The following HPSE2 variants were observed in gnomAD, a reference collection of about 807,000 sequenced individuals.
HPSE2 encodes the protein inactive heparanase-2.
In HPSE2, 38 loss-of-function variants were observed where a neutral mutation model predicts 60.5. The ratio of observed to expected loss-of-function variants is 0.63; its 90% confidence interval spans 0.48 to 0.82. The LOEUF is 0.82. Ranked by LOEUF, HPSE2 falls within the 40% of genes least tolerant of loss-of-function variation. HPSE2 has a pLI of 0.00. For missense variants in HPSE2, 713 were observed against 740.4 expected, an observed-to-expected ratio of 0.96 and a Z score of 0.43; for synonymous variants, 295 against 293.2, an observed-to-expected ratio of 1.01 and a Z score of -0.06.
intron 3 of HPSE2, among the ~76,000 whole-genome samples, chr10:98,790,646 C>CA (rs1353740210): frequency 2.0e-5 from 3 of 151,734 alleles, no homozygotes; most frequent in Non-Finnish European, 2.9e-5. Flanking sequence ...GTTCTCACCA[C>CA]AAAAAAATCA....
intron 3 of HPSE2, among the ~76,000 whole-genome samples, chr10:98,757,970 C>T (rs888352505): frequency 3.5e-4 from 53 of 151,952 alleles, no homozygotes; most frequent in Non-Finnish European, 6.3e-4. Flanking sequence ...CAAAACAGCA[C>T]AGTACTGGTA....
intron 9 of HPSE2, among the ~76,000 whole-genome samples, chr10:98,547,949 C>A (rs1943743596): frequency 6.6e-6 from 1 of 151,882 alleles, no homozygotes; most frequent in African/African-American, 2.4e-5. Context: ...AGAAGTTGAG[C>A]AAGAGGTCTC....
rs116859744 is a variant in HPSE2, at chr10:98,738,023, A to G, written c.784+5860T>C. On this transcript the variant is annotated intron_variant, in intron 4 of 11. Coordinates refer to ENST00000370552, the MANE Select transcript of HPSE2 (RefSeq NM_021828.5). The stretch of plus-strand genomic sequence containing the variant: ...GAAACAAAAAAGAGCCCATATAGTC[A>G]AGACAATCTAAGCAAAAAGAACAAA... Among the ~76,000 whole-genome samples the G allele has an allele frequency of 6.8e-3, 1,037 of 152,362 alleles. 10 individuals carry two copies. Among genetic ancestry groups the G allele is most frequent in the South Asian group, 0.028 (134 of 4,824 alleles).
intron 3 of HPSE2, among the ~76,000 whole-genome samples, chr10:98,806,750 T>G (rs1458119600): frequency 6.6e-6 from 1 of 152,244 alleles, no homozygotes; most frequent in African/African-American, 2.4e-5. Flanking sequence ...CTAATTCTCA[T>G]GATTCAGAAA....
In HPSE2 at chr10:99,071,471, C is replaced by T. The variant is rs572566391; in HGVS notation, c.610+72767G>A. 4.6e-5 allele frequency among the ~76,000 whole-genome samples: 7 copies of T among 152,302 alleles called. No individual in the cohort carries two copies. The South Asian group carries it at 1.2e-3, about 27-fold the overall frequency. ...AAGGGTTCCAATTTCTACACATTCT[C>T]GCCAGAATTTGTTAATCTTTTGTTT... On this transcript the variant is annotated intron_variant, in intron 3 of 11. Coordinates refer to ENST00000370552, the MANE Select transcript of HPSE2 (RefSeq NM_021828.5).
intron 3 of HPSE2, among the ~76,000 whole-genome samples, chr10:99,134,145 G>A (rs1042308426): frequency 6.6e-6 from 1 of 151,966 alleles, no homozygotes; most frequent in Non-Finnish European, 1.5e-5. Flanking sequence ...TCAACTTAAT[G>A]AAATAGAGAA....
At chr10:98,653,714 ATTAC>A (rs1313004721) in intron 6 of HPSE2, among the ~76,000 whole-genome samples, 1 of 152,046 alleles carries the variant, frequency 6.6e-6, no homozygotes, top group Non-Finnish European at 1.5e-5. Flanking sequence ...TGTGGCTATT[ATTAC>A]TTTAAACAGT....
chr10:99,236,198 G>A (rs1483295846), upstream of HPSE2, among the ~76,000 whole-genome samples: 7 of 151,734 alleles, frequency 4.6e-5, no homozygotes, highest in African/African-American at 1.7e-4. Context: ...GGAAGGAGGA[G>A]AAAAGGGTGG....
At chr10:99,252,611 T>A in the HPSE2 span, among the ~76,000 whole-genome samples, 1 of 152,170 alleles carries the variant, frequency 6.6e-6, no homozygotes, top group African/African-American at 2.4e-5. Flanking sequence ...GCGCAGTGGC[T>A]CACGCCTGTA....
intron 3 of HPSE2, among the ~76,000 whole-genome samples, chr10:99,011,211 G>A (rs1302303085): frequency 2.6e-5 from 4 of 151,552 alleles, no homozygotes; most frequent in Non-Finnish European, 5.9e-5. Context: ...TGTTATGCTT[G>A]CATTTTGAAC....
At chr10:98,898,735 G>T (rs148160135) in intron 3 of HPSE2, among the ~76,000 whole-genome samples, 1 of 152,276 alleles carries the variant, frequency 6.6e-6, no homozygotes, top group East Asian at 1.9e-4. Flanking sequence ...CTATTTAGGA[G>T]ATCAGAGGAT....
rs1944117048 is a variant in HPSE2, at chr10:98,559,736, G to A, written c.1320+55168C>T. On this transcript the variant is annotated intron_variant, in intron 9 of 11. Transcript: ENST00000370552. ...CTGATGAGAAGTAAAGACAGCCTGG[G>A]AGAGTCACTATACAGATAAAGCATT... Among the ~76,000 whole-genome samples the A allele has an allele frequency of 2.6e-5, 4 of 152,248 alleles. No homozygotes were observed. In the South Asian group the frequency reaches 8.3e-4, roughly 31 times the overall value.
rs1952435443 is a variant in HPSE2, at chr10:98,860,643, A to G, written c.611-116587T>C. On this transcript the variant is annotated intron_variant, in intron 3 of 11. Coordinates refer to ENST00000370552, the MANE Select transcript of HPSE2 (RefSeq NM_021828.5). Reference sequence around the variant, plus strand: ...CTAGTAAGTGCTAGAGCTAGGACATAAACCCTAGAAATCTAACACAATCTC... The same window carrying G: ...CTAGTAAGTGCTAGAGCTAGGACATGAACCCTAGAAATCTAACACAATCTC... Among the ~76,000 whole-genome samples the G allele has an allele frequency of 2.0e-5, 3 of 152,194 alleles. 1 individual carries two copies. The highest frequency in any genetic ancestry group is 4.8e-5 in the African/African-American group (2 of 41,462).
intron 5 of HPSE2, among the ~76,000 whole-genome samples, chr10:98,707,349 A>G (rs922968422): frequency 6.6e-6 from 1 of 152,150 alleles, no homozygotes; most frequent in Non-Finnish European, 1.5e-5. Context: ...TTAATGCCCT[A>G]CTTGGCTAAA....
the HPSE2 span, among the ~76,000 whole-genome samples, chr10:99,282,019 G>A: frequency 6.6e-6 from 1 of 152,118 alleles, no homozygotes; most frequent in African/African-American, 2.4e-5. Flanking sequence ...CAGCACTTTG[G>A]GAGGCCGAGG....
At chr10:99,053,499 A>G (rs1023663780) in intron 3 of HPSE2, among the ~76,000 whole-genome samples, 8 of 152,100 alleles carry the variant, frequency 5.3e-5, no homozygotes, top group African/African-American at 1.9e-4. Flanking sequence ...GGAAACAACA[A>G]AACGACACCT....
chr10:98,740,748 C>A (rs572290792), intron 4 of HPSE2, among the ~76,000 whole-genome samples: 128 of 152,252 alleles, frequency 8.4e-4, no homozygotes, highest in African/African-American at 3.0e-3. Context: ...GATAAGAAGA[C>A]TGACCTGTTC....
chr10:98,779,039 CAT>C (rs1950408224), intron 3 of HPSE2, among the ~76,000 whole-genome samples: 1 of 152,060 alleles, frequency 6.6e-6, no homozygotes, highest in Admixed American at 6.6e-5. Context: ...ATCTAAATAA[CAT>C]GTTGAAAAAG....
chr10:99,048,366 G>GAA (rs879182137), intron 3 of HPSE2: 25 of 179,816 alleles, frequency 1.4e-4, no homozygotes, highest in South Asian at 2.6e-4. Flanking sequence ...CTCTCAAACT[G>GAA]AAAAAAAAAA....
Sources: allele counts gnomAD v4.1 joint callset (sites outside exome capture counted in the v4.1 genomes callset), GRCh38; gene constraint gnomAD v4.1.1; transcripts MANE v1.5; gene names NCBI Gene and HGNC (gene_info 2026-07-23, HGNC 2026-07-21).